CCSAP: variants seen among roughly 807,000 people sequenced by gnomAD.
The protein encoded by CCSAP is centriole, cilia and spindle-associated protein.
In CCSAP, 17 loss-of-function variants were observed where a neutral mutation model predicts 25.9. That is an observed-to-expected ratio of 0.66 (90% CI 0.45 to 0.99). The LOEUF is 0.99. Ranked by LOEUF, CCSAP falls within the 50% of genes least tolerant of loss-of-function variation. CCSAP has a pLI of 0.00. For synonymous variants in CCSAP, 169 were observed against 157.1 expected (o/e 1.08, Z -0.57); for missense variants, 339 against 367.8 (o/e 0.92, Z 0.64).
At chr1:229,338,255 A>T (rs237786) in intron 2 of CCSAP, among the ~76,000 whole-genome samples, 115,283 of 152,006 alleles carry the variant, frequency 0.76, 44,318 homozygotes, top group African/African-American at 0.89. Flanking sequence ...AACAGATAAG[A>T]TTAAATAAAA....
chr1:229,326,225 G>A (rs1469042999), intron 3 of CCSAP, among the ~76,000 whole-genome samples: 1 of 152,178 alleles, frequency 6.6e-6, no homozygotes, highest in Admixed American at 6.5e-5. Flanking sequence ...ATTTGTTATG[G>A]ATGAACAGGG....
At chr1:229,331,787 TTTATTATTA>T (rs139107975) in intron 2 of CCSAP, among the ~76,000 whole-genome samples, 15,213 of 140,538 alleles carry the variant, frequency 0.11, 860 homozygotes, top group African/African-American at 0.14. Flanking sequence ...CTAATATCCT[TTTATTATTA>T]TTATTATTAT....
At chr1:229,329,507 C>A (rs923441172) in intron 2 of CCSAP, among the ~76,000 whole-genome samples, 3 of 152,116 alleles carry the variant, frequency 2.0e-5, no homozygotes, top group Admixed American at 6.5e-5. Flanking sequence ...TTTATTTTAT[C>A]TTGGAGATGA....
intron 3 of CCSAP, among the ~76,000 whole-genome samples, chr1:229,326,337 G>A (rs987607231): frequency 3.3e-5 from 5 of 152,220 alleles, no homozygotes; most frequent in African/African-American, 1.2e-4. Context: ...GAAGCGCCAG[G>A]TTATCGAAGC....
At chr1:229,333,218 G>A (rs1036142165) in intron 2 of CCSAP, among the ~76,000 whole-genome samples, 21 of 151,274 alleles carry the variant, frequency 1.4e-4, no homozygotes, top group African/African-American at 4.6e-4. Flanking sequence ...AGATCACGAG[G>A]TCAGGAGATA....
At chr1:229,338,507 C>T (rs1044019610) in intron 2 of CCSAP, among the ~76,000 whole-genome samples, 4 of 150,840 alleles carry the variant, frequency 2.7e-5, no homozygotes, top group Middle Eastern at 6.8e-3. Flanking sequence ...AAGAATCTCA[C>T]GGTTCACAAG....
chr1:229,341,193 C>CAAACAAA (rs1553305445), intron 2 of CCSAP, among the ~76,000 whole-genome samples: 4 of 91,114 alleles, frequency 4.4e-5, no homozygotes, highest in Admixed American at 1.2e-4. Flanking sequence ...GACTCCGTCT[C>CAAACAAA]AAAAAAAAAA....
chr1:229,327,805 G>A (rs1657980192), intron 2 of CCSAP, among the ~76,000 whole-genome samples: 1 of 150,758 alleles, frequency 6.6e-6, no homozygotes. Context: ...GGAGGTGGAG[G>A]TTGCAGTGAG....
chr1:229,334,823 A>G (rs1402132213), intron 2 of CCSAP, among the ~76,000 whole-genome samples: 1 of 152,206 alleles, frequency 6.6e-6, no homozygotes, highest in Non-Finnish European at 1.5e-5. Flanking sequence ...TCCAAATCCT[A>G]CTAAAGGAAG....
chr1:229,333,453 AT>A (rs1234906031), intron 2 of CCSAP, among the ~76,000 whole-genome samples: 5 of 150,730 alleles, frequency 3.3e-5, no homozygotes, highest in African/African-American at 1.2e-4. Flanking sequence ...AAAAAAAAAA[AT>A]TTCTAAATAA....
chr1:229,333,365 G>A (rs896087489), intron 2 of CCSAP, among the ~76,000 whole-genome samples: 17 of 150,422 alleles, frequency 1.1e-4, no homozygotes, highest in South Asian at 2.1e-4. Flanking sequence ...CCCGGGAGGC[G>A]GAGCTTGCAG....
chr1:229,327,640 C>T (rs1289003804), intron 2 of CCSAP: 4 of 453,366 alleles, frequency 8.8e-6, no homozygotes, highest in Admixed American at 7.1e-5. Flanking sequence ...GAGGCCGAGG[C>T]GAGCGGATCA....
chr1:229,334,608 A>G (rs1003419734), intron 2 of CCSAP, among the ~76,000 whole-genome samples: 4 of 152,142 alleles, frequency 2.6e-5, no homozygotes, highest in African/African-American at 7.2e-5. Flanking sequence ...AATTAATGAA[A>G]ATATACAATA....
chr1:229,342,520 G>T lies in CCSAP; in HGVS notation c.-48-7C>A, dbSNP rs983263120. 1 of 1,222,684 alleles carries T rather than the reference G, an allele frequency of 8.2e-7. No homozygotes were observed. Among genetic ancestry groups the T allele is most frequent in the Non-Finnish European group, 1.0e-6 (1 of 955,292 alleles). The allele number at this position is 1,222,684 out of a possible 1,614,324, so 75.7% of individuals were successfully genotyped here. Reference sequence around the variant, plus strand: ...GCTCCTCGCTGCCCGCAGCCTACGGGACCCGGTACACGACACAGAGGCCGC... The same window carrying T: ...GCTCCTCGCTGCCCGCAGCCTACGGTACCCGGTACACGACACAGAGGCCGC... On this transcript the variant is annotated splice_region_variant and splice_polypyrimidine_tract_variant and intron_variant, in intron 1 of 3. Transcript: ENST00000284617. The surrounding 1 kb of genome is among the most constrained non-coding windows in gnomAD (Gnocchi z 7.5).
Position 229,342,231 on chromosome 1 carries a change from G to C in CCSAP, c.235C>G (p.Pro79Ala). The C allele has an allele frequency of 7.9e-7, 1 of 1,262,700 alleles. No individual in the cohort carries two copies. The highest frequency in any genetic ancestry group is 9.9e-7 in the Non-Finnish European group (1 of 1,007,094). 78.2% of individuals were successfully genotyped at this position (1,262,700 alleles called of 1,614,324 possible). A position where few individuals can be genotyped will look rare whatever the true frequency, so the allele number is the denominator to read the frequency against. The change falls in exon 2 of 4, where the codon CCC (proline) becomes GCC (alanine). Residue 79 changes from proline to alanine, a missense_variant. Pro to Ala is a conservative substitution (Grantham distance 27, BLOSUM62 -1). Coordinates refer to ENST00000284617, the MANE Select transcript of CCSAP (RefSeq NM_145257.5). The surrounding 1 kb of genome is among the most constrained non-coding windows in gnomAD (Gnocchi z 7.5). The part of the protein sequence containing the change: ...AGGPAPRCAP[P>A]SPPPPVEPAT... ...GGCTCTACGGGCGGCGGGGGCGAGG[G>C]CGGGGCGCACCGGGGTGCGGGGCCC...
chr1:229,338,346 G>GT (rs964651537), intron 2 of CCSAP, among the ~76,000 whole-genome samples: 3 of 152,148 alleles, frequency 2.0e-5, no homozygotes, highest in Admixed American at 6.5e-5. Flanking sequence ...GCAGGATCAT[G>GT]TTTTTTTCAT....
intron 3 of CCSAP, 136 bp from the exon 4 acceptor site, chr1:229,325,547 C>G (rs1657920875): frequency 1.5e-6 from 1 of 668,448 alleles, no homozygotes; most frequent in African/African-American, 1.8e-5. Context: ...CTATATAGTT[C>G]TTCTTTACAT....
intron 2 of CCSAP, among the ~76,000 whole-genome samples, chr1:229,335,213 C>G (rs1331770536): frequency 6.6e-6 from 1 of 151,946 alleles, no homozygotes; most frequent in Admixed American, 6.6e-5. Flanking sequence ...CAGCTACTCA[C>G]GAGGCTGAGG....
chr1:229,331,313 T>C (rs753686497), intron 2 of CCSAP, among the ~76,000 whole-genome samples: 6 of 152,024 alleles, frequency 3.9e-5, no homozygotes, highest in Non-Finnish European at 8.8e-5. Context: ...ATAGCTGTGC[T>C]TATAGAAAAA....
Sources: allele counts gnomAD v4.1 joint callset (sites outside exome capture counted in the v4.1 genomes callset), GRCh38; gene constraint gnomAD v4.1.1; non-coding constraint Gnocchi (gnomAD v3.1); transcripts MANE v1.5; gene names NCBI Gene and HGNC (gene_info 2026-07-23, HGNC 2026-07-21).